TULP3: variants seen among roughly 807,000 people sequenced by gnomAD.
TULP3 encodes the protein TUB like protein 3.
A neutral mutation model predicts 50.7 loss-of-function variants in TULP3; 38 were observed. The ratio of observed to expected loss-of-function variants is 0.75; its 90% confidence interval spans 0.58 to 0.98. The LOEUF (loss-of-function observed/expected upper bound fraction) is 0.98, where lower values mean the gene tolerates loss of function less well. Among genes scored for constraint, TULP3 ranks in the 50% least tolerant of loss-of-function variants. TULP3 has a pLI of 0.00. For missense variants in TULP3, 550 were observed against 568.0 expected, an observed-to-expected ratio of 0.97 and a Z score of 0.32; for synonymous variants, 183 against 196.6, an observed-to-expected ratio of 0.93 and a Z score of 0.58.
At chr12:2,932,139 C>T (rs2098198435) in intron 6 of TULP3, among the ~76,000 whole-genome samples, 2 of 152,158 alleles carry the variant, frequency 1.3e-5, no homozygotes, top group Non-Finnish European at 1.5e-5. Context: ...TGGTTTAACA[C>T]AACAGCAGTA....
chr12:2,940,644 G>A lies in TULP3; in HGVS notation c.*1200G>A, dbSNP rs997178636. On this transcript the variant is annotated 3_prime_UTR_variant, in exon 11 of 11. Coordinates refer to ENST00000448120, the MANE Select transcript of TULP3 (RefSeq NM_003324.5). Reference sequence around the variant, plus strand: ...CAGCGTTGGGTGGGACACCCGTGGCGGCTGCTCCCTCAGACCTCCCTTCTG... The same window carrying A: ...CAGCGTTGGGTGGGACACCCGTGGCAGCTGCTCCCTCAGACCTCCCTTCTG... 3.3e-5 allele frequency: 51 copies of A among 1,551,562 alleles called. No individual in the cohort carries two copies. Among genetic ancestry groups the A allele is most frequent in the Admixed American group, 1.2e-4 (6 of 50,974 alleles).
In TULP3 at chr12:2,891,004, G is replaced by A. The variant is rs1279639888; in HGVS notation, c.41+16G>A. Reference sequence around the variant, plus strand: ...GCGGCGACAGGTCAGACAGGGCCGTGGCAGGTCTCCTCCTGAGCGAGGCGG... The same window carrying A: ...GCGGCGACAGGTCAGACAGGGCCGTAGCAGGTCTCCTCCTGAGCGAGGCGG... On this transcript the variant is annotated intron_variant, in intron 1 of 10. Transcript: ENST00000448120. 3.8e-6 allele frequency: 6 copies of A among 1,579,492 alleles called. No homozygotes were observed. In the South Asian group the frequency reaches 4.6e-5, roughly 12 times the overall value.
chr12:2,922,955 G>A (rs2334874), intron 4 of TULP3, among the ~76,000 whole-genome samples: 71,755 of 150,640 alleles, frequency 0.48, 17,536 homozygotes, highest in African/African-American at 0.59. Context: ...CCGGGTTCAC[G>A]CCATTCTCCT....
chr12:2,895,359 C>A (rs907187519), intron 1 of TULP3, among the ~76,000 whole-genome samples: 1 of 152,112 alleles, frequency 6.6e-6, no homozygotes, highest in South Asian at 2.1e-4. Context: ...AGATTGTGGC[C>A]GTCTTTCAAG....
intron 2 of TULP3, among the ~76,000 whole-genome samples, chr12:2,915,060 C>T (rs1173746852): frequency 6.6e-6 from 1 of 152,100 alleles, no homozygotes; most frequent in Non-Finnish European, 1.5e-5. Context: ...ATGATCTTGG[C>T]TCACTGCAAC....
At position 2,939,166 on chromosome 12, in the gene TULP3, G is replaced by A; in HGVS notation, c.1196-145G>A. On this transcript the variant is annotated intron_variant, in intron 10 of 10. Coordinates refer to ENST00000448120, the MANE Select transcript of TULP3 (RefSeq NM_003324.5). This position sits in a 1 kb window ranked among gnomAD's most constrained non-coding sequence, Gnocchi z 4.0. ...ACTTGAGCCTGGGACGGGAGGTCAA[G>A]GCTGCAGTGAGCTGTGGTCATTCCA... The A allele has an allele frequency of 2.3e-6, 2 of 876,704 alleles. No homozygotes were observed. Among genetic ancestry groups the A allele is most frequent in the Non-Finnish European group, 3.5e-6 (2 of 575,302 alleles). The allele number at this position is 876,704 out of a possible 1,614,324, so 54.3% of individuals were successfully genotyped here.
In TULP3 at chr12:2,922,306, GC is replaced by G; in HGVS notation, c.299del (p.Ala100ValfsTer4). 1 of 1,614,108 alleles carries G rather than the reference GC, an allele frequency of 6.2e-7. No homozygotes were observed. Among genetic ancestry groups the G allele is most frequent in the Non-Finnish European group, 8.5e-7 (1 of 1,180,028 alleles). On this transcript the variant is annotated frameshift_variant, in exon 4 of 11. Transcript: ENST00000448120. LOFTEE classifies it high-confidence loss of function. ...TGTCCTGAAACCAGACGAAGTTCAT[GC>G]TCCATCAGTAAGCTCCTCTGTTGTG... ...AAVLKPDEVH[A>X]PSVSSSVVEE...
At chr12:2,911,664 C>CTTT (rs56027951) in intron 2 of TULP3, among the ~76,000 whole-genome samples, 533 of 38,140 alleles carry the variant, frequency 0.014, 117 homozygotes, top group Non-Finnish European at 0.021. Flanking sequence ...TGCGCCCAGC[C>CTTT]TTTTTTTTTT....
In TULP3 at chr12:2,920,651, A is replaced by G. The variant is rs180916982; in HGVS notation, c.94-112A>G. On this transcript the variant is annotated intron_variant, in intron 2 of 10. Coordinates refer to ENST00000448120, the MANE Select transcript of TULP3 (RefSeq NM_003324.5). ...TTCCCATTTCTTAAATGGGGAAAAA[A>G]TAATTTACAAGATGTTTTGTGAGGA... 5 of 1,341,764 alleles carry G rather than the reference A, an allele frequency of 3.7e-6. No homozygotes were observed. The East Asian group carries it at 6.9e-5, about 19-fold the overall frequency. The allele number at this position is 1,341,764 out of a possible 1,614,324, so 83.1% of individuals were successfully genotyped here.
intron 2 of TULP3, among the ~76,000 whole-genome samples, chr12:2,912,998 A>G (rs1202030036): frequency 6.7e-6 from 1 of 148,980 alleles, no homozygotes; most frequent in African/African-American, 2.5e-5. Flanking sequence ...CTTTTGAGAC[A>G]GTCTCCCTCT....
intron 2 of TULP3, among the ~76,000 whole-genome samples, chr12:2,914,638 C>G (rs994786267): frequency 1.3e-5 from 2 of 152,008 alleles, no homozygotes; most frequent in African/African-American, 4.8e-5. Context: ...CTAGGATACT[C>G]TTTCTTGTTT....
intron 2 of TULP3, among the ~76,000 whole-genome samples, chr12:2,916,884 A>G (rs1177782091): frequency 6.6e-6 from 1 of 152,188 alleles, no homozygotes; most frequent in Non-Finnish European, 1.5e-5. Context: ...GTTTGAGTCT[A>G]CAGTTGTTTT....
intron 1 of TULP3, among the ~76,000 whole-genome samples, chr12:2,896,615 T>C (rs1233505125): frequency 6.6e-6 from 1 of 152,186 alleles, no homozygotes; most frequent in African/African-American, 2.4e-5. Flanking sequence ...AATAAGGCTG[T>C]AACAAAGCAA....
At chr12:2,910,803 C>T (rs1000987386) in intron 2 of TULP3, among the ~76,000 whole-genome samples, 3 of 152,188 alleles carry the variant, frequency 2.0e-5, no homozygotes, top group Non-Finnish European at 4.4e-5. Context: ...CTGTTACACA[C>T]ACACACATAT....
chr12:2,916,654 T>C (rs926769854), intron 2 of TULP3, among the ~76,000 whole-genome samples: 5 of 152,196 alleles, frequency 3.3e-5, no homozygotes, highest in African/African-American at 1.2e-4. Flanking sequence ...TAAAGCACTT[T>C]TAGGTTTTCA....
chr12:2,901,698 GTTGT>G (rs758386208), intron 1 of TULP3, among the ~76,000 whole-genome samples: 36 of 151,932 alleles, frequency 2.4e-4, no homozygotes, highest in Non-Finnish European at 5.1e-4. Flanking sequence ...TTTTAGTTAG[GTTGT>G]TTGTCTTAAT....
intron 4 of TULP3, among the ~76,000 whole-genome samples, chr12:2,929,737 C>T (rs542637390): frequency 1.1e-4 from 17 of 152,026 alleles, no homozygotes; most frequent in Admixed American, 2.0e-4. Flanking sequence ...ACTACAGGTG[C>T]GTGCCACCAC....
chr12:2,916,914 A>C (rs1177148696), intron 2 of TULP3, among the ~76,000 whole-genome samples: 1 of 152,198 alleles, frequency 6.6e-6, no homozygotes, highest in East Asian at 1.9e-4. Flanking sequence ...TCATTGGTCT[A>C]AATGAGTTTG....
At position 2,892,029 on chromosome 12, in the gene TULP3, T is replaced by C. The variant is rs571802374; in HGVS notation, c.41+1041T>C. ...TGAGCCCAGGAGTTCCAAACTCCTG[T>C]GTTGGGCCACTGAGCTCGCTAGCCT... On this transcript the variant is annotated intron_variant, in intron 1 of 10. Transcript: ENST00000448120. Among the ~76,000 whole-genome samples the C allele has an allele frequency of 1.4e-4, 21 of 152,112 alleles. No individual in the cohort carries two copies. The South Asian group carries it at 4.4e-3, about 32-fold the overall frequency.
Sources: gnomAD v4.1 joint callset for allele counts (sites outside exome capture counted in the v4.1 genomes callset) on GRCh38, gnomAD v4.1.1 for gene constraint, Gnocchi (gnomAD v3.1) non-coding constraint, MANE v1.5 for transcripts, NCBI Gene and HGNC (gene_info 2026-07-23, HGNC 2026-07-21) for gene names.